ZPBP: variants seen among roughly 807,000 people sequenced by gnomAD.
ZPBP encodes zona pellucida-binding protein 1.
Under a neutral mutation model 44.8 loss-of-function variants are expected in ZPBP, and 26 were observed. That is an observed-to-expected ratio of 0.58 (90% CI 0.43 to 0.81). ZPBP has a LOEUF of 0.81. Among genes scored for constraint, ZPBP ranks in the 30% least tolerant of loss-of-function variants. The probability of loss-of-function intolerance (pLI) is 0.00; values close to 1 mark genes in which losing one functional copy is unlikely to be tolerated. For missense variants in ZPBP, 409 were observed against 434.0 expected, an observed-to-expected ratio of 0.94 and a Z score of 0.51; for synonymous variants, 174 against 153.2, an observed-to-expected ratio of 1.14 and a Z score of -1.00.
intron 4 of ZPBP, among the ~76,000 whole-genome samples, chr7:50,035,410 A>G (rs1333067669): frequency 2.6e-5 from 4 of 152,350 alleles, no homozygotes; most frequent in African/African-American, 4.8e-5. Context: ...TTCACCCACC[A>G]TAAGTGCAAA....
chr7:49,843,531 C>G, the ZPBP span, among the ~76,000 whole-genome samples: 1 of 152,196 alleles, frequency 6.6e-6, no homozygotes. Context: ...GACTATTTTA[C>G]TCAAGTAAAA....
At chr7:49,964,535 AG>A (rs760637305) in intron 7 of ZPBP, among the ~76,000 whole-genome samples, 4 of 152,068 alleles carry the variant, frequency 2.6e-5, no homozygotes, top group Admixed American at 6.6e-5. Flanking sequence ...AAAATGTGTT[AG>A]ACATCATCAT....
chr7:50,004,639 CATA>C (rs1378695072), intron 6 of ZPBP, among the ~76,000 whole-genome samples: 1 of 151,950 alleles, frequency 6.6e-6, no homozygotes, highest in Non-Finnish European at 1.5e-5. Flanking sequence ...AGGTTACAAG[CATA>C]ATAACTGAAG....
rs145132747 is a variant in ZPBP, at chr7:50,072,041, C to T, written c.334+9733G>A. Among the ~76,000 whole-genome samples, 3 of 152,338 alleles carry T rather than the reference C, an allele frequency of 2.0e-5. No homozygotes were observed. The East Asian group carries it at 5.8e-4, about 29-fold the overall frequency. On this transcript the variant is annotated intron_variant, in intron 3 of 7. Coordinates refer to ENST00000046087, the MANE Select transcript of ZPBP (RefSeq NM_007009.3). ...CTTATACCTTAACTACCAGCATGGA[C>T]ACAGACGGGGAGAGCAACAAGTGGA...
chr7:49,864,261 C>T (rs1790789314), intron 2 of ZPBP, among the ~76,000 whole-genome samples: 1 of 151,518 alleles, frequency 6.6e-6, no homozygotes, highest in East Asian at 1.9e-4. Context: ...AGAAAGAAGA[C>T]AAAGAAGGAG....
chr7:50,061,910 C>G (rs1416581402), intron 3 of ZPBP, among the ~76,000 whole-genome samples: 3 of 152,084 alleles, frequency 2.0e-5, no homozygotes, highest in African/African-American at 4.8e-5. Flanking sequence ...GCGAAGCAAA[C>G]TAACAAACAA....
At chr7:50,049,027 C>T (rs4917006) in intron 4 of ZPBP, among the ~76,000 whole-genome samples, 116,327 of 151,772 alleles carry the variant, frequency 0.77, 44,683 homozygotes, top group East Asian at 0.87. Context: ...AAAAGAATTA[C>T]AAAGGAATAC....
chr7:50,076,125 T>C (rs1477217801), intron 3 of ZPBP, among the ~76,000 whole-genome samples: 1 of 151,772 alleles, frequency 6.6e-6, no homozygotes, highest in African/African-American at 2.4e-5. Context: ...GCGTGATATA[T>C]CATGTTAACA....
At chr7:49,946,735 CT>C (rs1404689774) in intron 7 of ZPBP, among the ~76,000 whole-genome samples, 1 of 152,074 alleles carries the variant, frequency 6.6e-6, no homozygotes, top group Non-Finnish European at 1.5e-5. Context: ...ATACTGATAC[CT>C]TTTTCTAGGT....
intron 7 of ZPBP, among the ~76,000 whole-genome samples, chr7:49,952,550 C>T (rs1323803264): frequency 6.6e-6 from 1 of 151,832 alleles, no homozygotes; most frequent in Non-Finnish European, 1.5e-5. Context: ...ACTCTCATAG[C>T]TATACAGGAA....
intron 2 of ZPBP, among the ~76,000 whole-genome samples, chr7:49,895,659 T>A (rs541450691): frequency 4.0e-4 from 61 of 152,310 alleles, no homozygotes; most frequent in South Asian, 2.7e-3. Context: ...CAGTAATTAA[T>A]TATCAGCCAT....
intron 1 of ZPBP, among the ~76,000 whole-genome samples, chr7:49,904,080 G>A (rs1792946063): frequency 6.6e-6 from 1 of 152,096 alleles, no homozygotes; most frequent in Non-Finnish European, 1.5e-5. Flanking sequence ...TATACACATG[G>A]CTGGCAGAGA....
intron 3 of ZPBP, among the ~76,000 whole-genome samples, chr7:50,079,572 G>T (rs1447348726): frequency 6.6e-6 from 1 of 151,486 alleles, no homozygotes; most frequent in Non-Finnish European, 1.5e-5. Context: ...GGAGACATGT[G>T]GTTCTTGGTC....
At chr7:49,948,869 T>A (rs992519215) in intron 7 of ZPBP, among the ~76,000 whole-genome samples, 1 of 152,158 alleles carries the variant, frequency 6.6e-6, no homozygotes, top group Non-Finnish European at 1.5e-5. Flanking sequence ...TTTCTGGGTA[T>A]ATGCTCAAAA....
rs373753429 is a variant in ZPBP at position 50,026,576 on chromosome 7, T to C, written c.706+4516A>G. ...AAGATGAAAATGATATAAAGCAGCT[T>C]CCATAATCTGAGAAACAAAAATAGA... On this transcript the variant is annotated intron_variant, in intron 5 of 7. Coordinates refer to ENST00000046087, the MANE Select transcript of ZPBP (RefSeq NM_007009.3). 3.1e-4 allele frequency among the ~76,000 whole-genome samples: 47 copies of C among 151,946 alleles called. No homozygotes were observed. In the East Asian group the frequency reaches 3.9e-3, roughly 12 times the overall value.
At chr7:49,877,479 AAAATATATATAT>A (rs1229138570) in intron 2 of ZPBP, among the ~76,000 whole-genome samples, 306 of 12,748 alleles carry the variant, frequency 0.024, 40 homozygotes, top group Admixed American at 0.23. Context: ...AAAAAAAAAA[AAAATATATATAT>A]ATATATATAT....
intron 3 of ZPBP, among the ~76,000 whole-genome samples, chr7:50,073,174 A>G (rs1266421393): frequency 2.6e-5 from 4 of 152,234 alleles, no homozygotes; most frequent in Non-Finnish European, 4.4e-5. Flanking sequence ...AGTACAGAGA[A>G]GCAATTCATA....
intron 4 of ZPBP, among the ~76,000 whole-genome samples, chr7:50,053,623 CAG>C (rs1800794787): frequency 6.6e-6 from 1 of 151,984 alleles, no homozygotes; most frequent in Non-Finnish European, 1.5e-5. Flanking sequence ...TTATAGAAGA[CAG>C]ATTATTCATT....
At chr7:49,915,359 A>G (rs1338243639) in intron 1 of ZPBP, 5 of 152,206 alleles carry the variant, frequency 3.3e-5, no homozygotes. Flanking sequence ...TAATACTTTT[A>G]ATCTTTTGAT....
Sources: gnomAD v4.1 joint callset for allele counts (sites outside exome capture counted in the v4.1 genomes callset) on GRCh38, gnomAD v4.1.1 for gene constraint, MANE v1.5 for transcripts, NCBI Gene and HGNC (gene_info 2026-07-23, HGNC 2026-07-21) for gene names.